The following MSRA variants were observed in gnomAD, a reference collection of about 807,000 sequenced individuals.
MSRA encodes mitochondrial peptide methionine sulfoxide reductase.
MSRA carries 54 observed loss-of-function variants against 31.3 expected under a neutral mutation model. That is an observed-to-expected ratio of 1.73 (90% CI 1.39 to 2.17). The LOEUF (loss-of-function observed/expected upper bound fraction) is 2.17. Among genes scored for constraint, MSRA ranks in the 30% most tolerant of loss-of-function variants. MSRA has a pLI of 0.00. For missense variants in MSRA, 507 were observed against 300.9 expected (o/e 1.69, Z -5.07); for synonymous variants, 169 against 116.5 (o/e 1.45, Z -2.90).
At chr8:10,384,084 G>A (rs1237358099) in intron 5 of MSRA, among the ~76,000 whole-genome samples, 1 of 152,126 alleles carries the variant, frequency 6.6e-6, no homozygotes, top group Non-Finnish European at 1.5e-5. Context: ...GTGACATTTA[G>A]CTGCCAGTTT....
At chr8:10,366,702 G>A (rs1242831304) in intron 5 of MSRA, among the ~76,000 whole-genome samples, 4 of 152,190 alleles carry the variant, frequency 2.6e-5, no homozygotes, top group African/African-American at 9.6e-5. Context: ...TGCTGGGGAC[G>A]TCTGTCCATC....
At chr8:10,192,570 C>G (rs973732488) in intron 1 of MSRA, among the ~76,000 whole-genome samples, 3 of 152,224 alleles carry the variant, frequency 2.0e-5, no homozygotes, top group African/African-American at 7.2e-5. Flanking sequence ...GGGAAGAAAA[C>G]TCATTCCTCA....
intron 5 of MSRA, among the ~76,000 whole-genome samples, chr8:10,389,740 CTTTTT>C (rs35603997): frequency 1.8e-4 from 20 of 109,290 alleles, no homozygotes; most frequent in Non-Finnish European, 2.9e-4. Context: ...CAGAAGCTTG[CTTTTT>C]TTTTTTTTTT....
At chr8:10,318,198 G>T (rs984150976) in intron 4 of MSRA, among the ~76,000 whole-genome samples, 1 of 152,182 alleles carries the variant, frequency 6.6e-6, no homozygotes, top group African/African-American at 2.4e-5. Flanking sequence ...TAAATCGCAG[G>T]ATGGCCATTT....
At chr8:10,187,047 T>C (rs544392796) in intron 1 of MSRA, among the ~76,000 whole-genome samples, 3 of 152,334 alleles carry the variant, frequency 2.0e-5, no homozygotes, top group African/African-American at 7.2e-5. Flanking sequence ...GGACTTACTT[T>C]GAGCTTAACT....
intron 5 of MSRA, among the ~76,000 whole-genome samples, chr8:10,371,495 C>G (rs1460233958): frequency 6.6e-6 from 1 of 152,078 alleles, no homozygotes. Flanking sequence ...TTCTCGTTCT[C>G]AGGTTTTTGC....
At chr8:10,251,224 T>C (rs1157213935) in intron 3 of MSRA, among the ~76,000 whole-genome samples, 2 of 152,106 alleles carry the variant, frequency 1.3e-5, no homozygotes, top group Non-Finnish European at 2.9e-5. Flanking sequence ...TTTTTTTAAG[T>C]TTGACTTAAT....
chr8:10,423,042 G>T (rs1260235581), intron 5 of MSRA, among the ~76,000 whole-genome samples: 1 of 152,210 alleles, frequency 6.6e-6, no homozygotes, highest in African/African-American at 2.4e-5. Context: ...CACGGGTGCA[G>T]CCTCCTTATT....
At chr8:10,108,916 A>G (rs1800086828) in intron 1 of MSRA, among the ~76,000 whole-genome samples, 1 of 152,148 alleles carries the variant, frequency 6.6e-6, no homozygotes, top group Non-Finnish European at 1.5e-5. Flanking sequence ...TCAGCTGCCA[A>G]GCTCTTAGCA....
chr8:10,157,821 C>G (rs1204281975), intron 1 of MSRA, among the ~76,000 whole-genome samples: 1 of 152,026 alleles, frequency 6.6e-6, no homozygotes, highest in Non-Finnish European at 1.5e-5. Flanking sequence ...TCTCTCTTCC[C>G]TTCCCTCTCT....
At chr8:10,186,083 G>A (rs993928323) in intron 1 of MSRA, among the ~76,000 whole-genome samples, 19 of 152,084 alleles carry the variant, frequency 1.2e-4, no homozygotes, top group African/African-American at 4.3e-4. Flanking sequence ...GATCCTTACC[G>A]TGTTGGACCA....
chr8:10,229,917 T>C (rs1159738368), intron 2 of MSRA, among the ~76,000 whole-genome samples: 1 of 152,236 alleles, frequency 6.6e-6, no homozygotes, highest in East Asian at 1.9e-4. Context: ...ATATAATCAG[T>C]GAATTTCCAC....
intron 5 of MSRA, among the ~76,000 whole-genome samples, chr8:10,363,738 C>CCACACACACA (rs71203319): frequency 0.063 from 6,506 of 103,282 alleles, 455 homozygotes; most frequent in Non-Finnish European, 0.086. Flanking sequence ...GATGCAGTCA[C>CCACACACACA]CACACACACA....
intron 5 of MSRA, among the ~76,000 whole-genome samples, chr8:10,338,684 T>C (rs933574944): frequency 2.0e-5 from 3 of 152,244 alleles, no homozygotes; most frequent in African/African-American, 7.2e-5. Context: ...CCTTTCAGGA[T>C]TGAGAAAACT....
intron 5 of MSRA, among the ~76,000 whole-genome samples, chr8:10,367,420 G>C (rs1000829675): frequency 1.3e-5 from 2 of 152,086 alleles, no homozygotes; most frequent in Non-Finnish European, 2.9e-5. Context: ...AGTATATATA[G>C]GGTCCCATAT....
chr8:10,061,463 A>G (rs1403446028), intron 1 of MSRA, among the ~76,000 whole-genome samples: 1 of 152,086 alleles, frequency 6.6e-6, no homozygotes, highest in Non-Finnish European at 1.5e-5. Flanking sequence ...ATAGCTATGT[A>G]CTACTTTATG....
chr8:10,286,816 A>T (rs1443311938), intron 3 of MSRA, among the ~76,000 whole-genome samples: 1 of 152,236 alleles, frequency 6.6e-6, no homozygotes, highest in East Asian at 1.9e-4. Context: ...GACAGAGAGA[A>T]TGAGTAGAGA....
At chr8:10,348,357 C>CTTTTT (rs34083972) in intron 5 of MSRA, among the ~76,000 whole-genome samples, 114 of 64,274 alleles carry the variant, frequency 1.8e-3, no homozygotes, top group African/African-American at 2.3e-3. Context: ...AAATTATTGC[C>CTTTTT]TTTTTTTTTT....
chr8:10,063,189 A>C (rs746448647), intron 1 of MSRA, among the ~76,000 whole-genome samples: 3 of 152,184 alleles, frequency 2.0e-5, no homozygotes, highest in African/African-American at 7.2e-5. Flanking sequence ...CAGAAGCCGC[A>C]GTCAGGGTCA....
Sources: allele counts gnomAD v4.1 joint callset (sites outside exome capture counted in the v4.1 genomes callset), GRCh38; gene constraint gnomAD v4.1.1; transcripts MANE v1.5; gene names NCBI Gene and HGNC (gene_info 2026-07-23, HGNC 2026-07-21).